PTCHD4: variants seen among roughly 807,000 people sequenced by gnomAD.
PTCHD4 encodes the protein patched domain-containing protein 4.
In PTCHD4, 33 loss-of-function variants were observed where a neutral mutation model predicts 58.1. The observed-to-expected ratio is 0.57, with a 90% CI of 0.43 to 0.76. The LOEUF is 0.76. Among genes scored for constraint, PTCHD4 ranks in the 30% least tolerant of loss-of-function variants. PTCHD4 has a pLI of 0.00. For synonymous variants in PTCHD4, 478 were observed against 409.6 expected (o/e 1.17, Z -2.02); for missense variants, 1,058 against 1,027.1 (o/e 1.03, Z -0.41).
At chr6:47,923,657 G>A (rs1765504051) in intron 4 of PTCHD4, among the ~76,000 whole-genome samples, 1 of 152,118 alleles carries the variant, frequency 6.6e-6, no homozygotes, top group African/African-American at 2.4e-5. Flanking sequence ...ATGTCAAGTT[G>A]GTGATTTATA....
intron 4 of PTCHD4, among the ~76,000 whole-genome samples, chr6:47,923,247 C>T (rs1446569714): frequency 1.3e-5 from 2 of 151,974 alleles, no homozygotes; most frequent in Non-Finnish European, 2.9e-5. Flanking sequence ...AAAGACTTCC[C>T]TATATGTTTT....
chr6:48,069,153 T>TGGGG lies in PTCHD4; in HGVS notation c.-197_-196insCCCC, dbSNP rs1764917004. On this transcript the variant is annotated 5_prime_UTR_variant, in exon 2 of 5. The change creates a premature stop within an existing upstream ORF in the 5' untranslated region. Coordinates refer to ENST00000339488, the MANE Select transcript of PTCHD4 (RefSeq NM_001384253.1). ...TGTGCCCCATAAAGGGGGGGGGGGC[T>TGGGG]GAGGGGGGGAGAGGAGGGAGAAGGG... 6.5e-5 allele frequency among the ~76,000 whole-genome samples: 1 copy of TGGGG among 15,380 alleles called. No homozygotes were observed. Among genetic ancestry groups the TGGGG allele is most frequent in the Non-Finnish European group, 1.2e-4 (1 of 8,270 alleles). 10.1% of individuals were successfully genotyped at this position (15,380 alleles called of 152,430 possible).
intron 1 of PTCHD4, among the ~76,000 whole-genome samples, chr6:48,095,771 T>A (rs1273225489): frequency 6.6e-6 from 1 of 150,830 alleles, no homozygotes; most frequent in Non-Finnish European, 1.5e-5. Context: ...TGTGTTTCTA[T>A]GAAACGAAGA....
intron 4 of PTCHD4, among the ~76,000 whole-genome samples, chr6:47,930,093 TAA>T (rs1765759849): frequency 6.6e-6 from 1 of 152,194 alleles, no homozygotes; most frequent in African/African-American, 2.4e-5. Flanking sequence ...TCAGTGGCCT[TAA>T]ATCAACTATT....
chr6:48,037,843 C>A lies in PTCHD4; in HGVS notation c.418-28729G>T, dbSNP rs772765333. ...AGTAAGATGATTTAAAAGACCTTCA[C>A]GAATCCATAAGAATAGTGTTCAGAA... On this transcript the variant is annotated intron_variant, in intron 3 of 4. Coordinates refer to ENST00000339488, the MANE Select transcript of PTCHD4 (RefSeq NM_001384253.1). 4.0e-5 allele frequency among the ~76,000 whole-genome samples: 6 copies of A among 150,726 alleles called. No homozygotes were observed. In the South Asian group the frequency reaches 1.3e-3, roughly 32 times the overall value.
intron 4 of PTCHD4, among the ~76,000 whole-genome samples, chr6:48,007,212 C>A (rs181142397): frequency 6.6e-6 from 1 of 152,000 alleles, no homozygotes; most frequent in Non-Finnish European, 1.5e-5. Flanking sequence ...TGCACTCCAG[C>A]CTGGAAGACA....
chr6:47,884,114 A>G (rs185573688), intron 4 of PTCHD4, among the ~76,000 whole-genome samples: 1,780 of 146,512 alleles, frequency 0.012, 39 homozygotes, highest in African/African-American at 0.043. Flanking sequence ...GTGTGTGTGT[A>G]TGTATGTATG....
At chr6:48,110,936 G>T (rs1274870463) in intron 1 of PTCHD4, among the ~76,000 whole-genome samples, 113 bp downstream of exon 1, 2 of 151,454 alleles carry the variant, frequency 1.3e-5, no homozygotes, top group African/African-American at 4.9e-5. Context: ...TTTAATAAAG[G>T]TTTACAGAAT....
In PTCHD4 at chr6:48,111,095, T is replaced by C. The variant is rs1011210297; in HGVS notation, c.-1016A>G. On this transcript the variant is annotated 5_prime_UTR_variant, in exon 1 of 5. Transcript: ENST00000339488. ...TGGCGCATGGAGGCAACAACAGAATTGGAGAGTGAGAGGGGATTTCTTTTA... is the reference window on the plus strand; with the variant it reads ...TGGCGCATGGAGGCAACAACAGAATCGGAGAGTGAGAGGGGATTTCTTTTA... Among the ~76,000 whole-genome samples the C allele has an allele frequency of 2.0e-5, 3 of 151,976 alleles. No homozygotes were observed. Among genetic ancestry groups the C allele is most frequent in the African/African-American group, 7.2e-5 (3 of 41,384 alleles).
At chr6:48,086,698 C>T (rs1765272052) in intron 1 of PTCHD4, among the ~76,000 whole-genome samples, 1 of 151,994 alleles carries the variant, frequency 6.6e-6, no homozygotes, top group South Asian at 2.1e-4. Flanking sequence ...CATTTTTCCC[C>T]TTAGCTTTTC....
rs1763355281 is a variant in PTCHD4, at chr6:47,858,742, A to G, written c.*19561T>C. Among the ~76,000 whole-genome samples the G allele has an allele frequency of 6.6e-6, 1 of 152,042 alleles. No homozygotes were observed. Among genetic ancestry groups the G allele is most frequent in the Admixed American group, 6.6e-5 (1 of 15,222 alleles). On this transcript the variant is annotated 3_prime_UTR_variant, in exon 5 of 5. Transcript: ENST00000339488. Reference sequence around the variant, plus strand: ...AATAAATAATAAACCTGCTGATGTTAAGAAAACTAAAACAAGTTCCATACA... The same window carrying G: ...AATAAATAATAAACCTGCTGATGTTGAGAAAACTAAAACAAGTTCCATACA...
At position 47,872,226 on chromosome 6, in the gene PTCHD4, G is replaced by A. The variant is rs190207872; in HGVS notation, c.*6077C>T. 5.9e-5 allele frequency among the ~76,000 whole-genome samples: 9 copies of A among 151,662 alleles called. No homozygotes were observed. Among genetic ancestry groups the A allele is most frequent in the Non-Finnish European group, 1.0e-4 (7 of 67,736 alleles). On this transcript the variant is annotated 3_prime_UTR_variant, in exon 5 of 5. Coordinates refer to ENST00000339488, the MANE Select transcript of PTCHD4 (RefSeq NM_001384253.1). ...AGTTAAATTTATATAGCACTGAAAA[G>A]TTATACATTTTTATTAAACACCAGT...
At chr6:47,942,412 C>T (rs571113512) in intron 4 of PTCHD4, among the ~76,000 whole-genome samples, 11 of 152,144 alleles carry the variant, frequency 7.2e-5, no homozygotes, top group East Asian at 1.9e-4. Context: ...TCAGGGATTG[C>T]GGAATAAAGA....
intron 1 of PTCHD4, among the ~76,000 whole-genome samples, chr6:48,105,325 A>C (rs1334691498): frequency 1.3e-5 from 2 of 151,996 alleles, no homozygotes. Context: ...ACTACATGGA[A>C]ACTGAACAAC....
At chr6:48,084,764 C>T (rs1364184803) in intron 1 of PTCHD4, among the ~76,000 whole-genome samples, 10 of 140,778 alleles carry the variant, frequency 7.1e-5, no homozygotes, top group Admixed American at 1.5e-4. Flanking sequence ...GACAGAGTCT[C>T]GCTTGGTCTC....
chr6:48,099,043 T>A (rs1022126922), intron 1 of PTCHD4, among the ~76,000 whole-genome samples: 3 of 152,210 alleles, frequency 2.0e-5, no homozygotes, highest in African/African-American at 7.2e-5. Context: ...ATTTCAGCTA[T>A]TTTTGTCTGG....
intron 4 of PTCHD4, among the ~76,000 whole-genome samples, chr6:47,946,207 G>C (rs913997202): frequency 6.6e-6 from 1 of 152,030 alleles, no homozygotes; most frequent in African/African-American, 2.4e-5. Context: ...ATTCCTAGTA[G>C]AGTAAATTTG....
chr6:47,982,077 C>T (rs546771287), intron 4 of PTCHD4, among the ~76,000 whole-genome samples: 24 of 152,244 alleles, frequency 1.6e-4, no homozygotes, highest in African/African-American at 5.3e-4. Context: ...CAAAATATCT[C>T]CAGCCTGACA....
At chr6:47,933,405 C>G (rs1437242808) in intron 4 of PTCHD4, among the ~76,000 whole-genome samples, 1 of 152,196 alleles carries the variant, frequency 6.6e-6, no homozygotes, top group African/African-American at 2.4e-5. Flanking sequence ...ATGCAGGTAG[C>G]TCTTCAAGGG....
Sources: allele counts gnomAD v4.1 joint callset (sites outside exome capture counted in the v4.1 genomes callset), GRCh38; gene constraint gnomAD v4.1.1; transcripts MANE v1.5; gene names NCBI Gene and HGNC (gene_info 2026-07-23, HGNC 2026-07-21).